Variants in TG observed in about 807,000 individuals in gnomAD.
The protein encoded by TG is thyroglobulin, also known as thyroid hormones.
A neutral mutation model predicts 324.7 loss-of-function variants in TG; 270 were observed. The observed-to-expected ratio is 0.83, with a 90% confidence interval of 0.75 to 0.92. The LOEUF (loss-of-function observed/expected upper bound fraction) is 0.92. Ranked by LOEUF, TG falls within the 40% of genes least tolerant of loss-of-function variation. TG has a pLI of 0.00. For synonymous variants in TG, 1,401 were observed against 1,327.0 expected (o/e 1.06, Z -1.21); for missense variants, 3,591 against 3,456.4 (o/e 1.04, Z -0.98).
intron 35 of TG, among the ~76,000 whole-genome samples, chr8:133,004,671 A>G (rs904862365): frequency 2.6e-5 from 4 of 152,340 alleles, no homozygotes; most frequent in South Asian, 2.1e-4. Context: ...TAGGGGACAC[A>G]CAGGACCACC....
chr8:132,891,704 G>A (rs181996971), intron 10 of TG, among the ~76,000 whole-genome samples: 1 of 152,308 alleles, frequency 6.6e-6, no homozygotes, highest in East Asian at 1.9e-4. Flanking sequence ...GAAATGTAGA[G>A]CAAGCTGAGG....
chr8:132,918,155 G>A (rs143937289), intron 20 of TG, among the ~76,000 whole-genome samples: 13 of 152,192 alleles, frequency 8.5e-5, no homozygotes, highest in Non-Finnish European at 1.6e-4. Context: ...GGAGAGAACC[G>A]GTGGGAGGAA....
chr8:132,929,506 G>C (rs1822379683), intron 23 of TG, among the ~76,000 whole-genome samples: 1 of 152,178 alleles, frequency 6.6e-6, no homozygotes, highest in South Asian at 2.1e-4. Context: ...GGGCCAGAGA[G>C]GTGGTAATAA....
intron 45 of TG, among the ~76,000 whole-genome samples, chr8:133,124,305 GGT>G (rs1484899071): frequency 6.6e-6 from 1 of 152,172 alleles, no homozygotes; most frequent in African/African-American, 2.4e-5. Context: ...ACATCCCGAT[GGT>G]GTGGAAGATG....
chr8:132,941,121 A>G (rs1824381983), intron 25 of TG, among the ~76,000 whole-genome samples: 1 of 151,558 alleles, frequency 6.6e-6, no homozygotes, highest in Non-Finnish European at 1.5e-5. Context: ...CGTGTTGGGC[A>G]TTTGTCCCGA....
chr8:132,993,322 G>C (rs968573071), intron 35 of TG, among the ~76,000 whole-genome samples: 6 of 152,210 alleles, frequency 3.9e-5, no homozygotes. Flanking sequence ...CATGGGATAT[G>C]AGTTTGGGCA....
intron 41 of TG, among the ~76,000 whole-genome samples, chr8:133,032,014 A>C (rs1043262600): frequency 6.6e-6 from 1 of 152,084 alleles, no homozygotes; most frequent in African/African-American, 2.4e-5. Flanking sequence ...GCCTCACAAG[A>C]CTGCTAGCTC....
At position 132,920,165 on chromosome 8, in the gene TG, T is replaced by C. The variant is rs557900686; in HGVS notation, c.4528+640T>C. On this transcript the variant is annotated intron_variant, in intron 21 of 47. Coordinates refer to ENST00000220616, the MANE Select transcript of TG (RefSeq NM_003235.5). ...GCTGCATGAATTTGCCAGGACTGTA[T>C]GTATGGGTGGCCTTCCCATATGTCA... 7.9e-5 allele frequency among the ~76,000 whole-genome samples: 12 copies of C among 152,362 alleles called. 1 individual carries two copies. In the East Asian group the frequency reaches 1.5e-3, roughly 20 times the overall value.
At chr8:133,032,917 G>A (rs1171553086) in intron 41 of TG, among the ~76,000 whole-genome samples, 2 of 152,176 alleles carry the variant, frequency 1.3e-5, no homozygotes, top group Non-Finnish European at 2.9e-5. Context: ...CTAGAGATAA[G>A]AAATTTGAGG....
chr8:133,004,130 T>C (rs1223481888), intron 35 of TG, among the ~76,000 whole-genome samples: 1 of 152,202 alleles, frequency 6.6e-6, no homozygotes, highest in Non-Finnish European at 1.5e-5. Context: ...GGGCCACTGT[T>C]GCCCCTCTGC....
chr8:133,070,251 G>A (rs1843795576), intron 41 of TG, among the ~76,000 whole-genome samples: 1 of 152,022 alleles, frequency 6.6e-6, no homozygotes, highest in Non-Finnish European at 1.5e-5. Flanking sequence ...AAAAAGATGT[G>A]TGGAGCGGTC....
intron 41 of TG, among the ~76,000 whole-genome samples, chr8:133,059,689 T>A (rs755717060): frequency 1.2e-4 from 19 of 152,234 alleles, no homozygotes; most frequent in Middle Eastern, 3.4e-3. Context: ...AGTATAAGGA[T>A]GATATTATAT....
chr8:132,922,093 G>C (rs1463000755), intron 21 of TG, among the ~76,000 whole-genome samples: 1 of 152,186 alleles, frequency 6.6e-6, no homozygotes, highest in Non-Finnish European at 1.5e-5. Flanking sequence ...TAATGATAAA[G>C]TCCCTGTCCT....
intron 34 of TG, 108 bp downstream of exon 34, chr8:132,972,849 T>C (rs1275206019): frequency 2.8e-6 from 4 of 1,429,406 alleles, no homozygotes; most frequent in Non-Finnish European, 3.9e-6. Context: ...TGAAGACTCA[T>C]TGGGTTCAAG....
intron 41 of TG, among the ~76,000 whole-genome samples, chr8:133,068,423 G>A (rs1301237153): frequency 1.3e-5 from 2 of 152,228 alleles, no homozygotes; most frequent in African/African-American, 4.8e-5. Flanking sequence ...ACATTTTAAG[G>A]TCATTTTAAG....
intron 41 of TG, among the ~76,000 whole-genome samples, chr8:133,063,232 C>G (rs937794478): frequency 1.3e-5 from 2 of 152,156 alleles, no homozygotes; most frequent in Middle Eastern, 3.4e-3. Context: ...ACCCCGCCCC[C>G]ATAAGTTCCA....
At chr8:133,083,689 C>A (rs1174041395) in intron 41 of TG, among the ~76,000 whole-genome samples, 3 of 151,988 alleles carry the variant, frequency 2.0e-5, no homozygotes, top group African/African-American at 7.3e-5. Flanking sequence ...TATTTTTTTT[C>A]TGCATCTCTT....
At chr8:132,994,029 C>T (rs1001785372) in intron 35 of TG, among the ~76,000 whole-genome samples, 2 of 152,262 alleles carry the variant, frequency 1.3e-5, no homozygotes, top group African/African-American at 2.4e-5. Context: ...GCCCTGTCTT[C>T]CTCTTTCTCT....
intron 21 of TG, among the ~76,000 whole-genome samples, chr8:132,922,682 A>G (rs1215319910): frequency 6.6e-6 from 1 of 152,234 alleles, no homozygotes; most frequent in African/African-American, 2.4e-5. Context: ...TGGGAAGTCC[A>G]AGATCAAGTT....
Sources: allele counts gnomAD v4.1 joint callset (sites outside exome capture counted in the v4.1 genomes callset), GRCh38; gene constraint gnomAD v4.1.1; transcripts MANE v1.5; gene names NCBI Gene and HGNC (gene_info 2026-07-23, HGNC 2026-07-21).